ABHD18: variants seen among roughly 807,000 people sequenced by gnomAD.
The protein encoded by ABHD18 is cardiolipin-specific deacylase, mitochondrial.
ABHD18 carries 55 observed loss-of-function variants against 65.9 expected under a neutral mutation model. The ratio of observed to expected loss-of-function variants is 0.84; its 90% CI spans 0.67 to 1.05. The LOEUF (loss-of-function observed/expected upper bound fraction) is 1.05. Ranked by LOEUF, ABHD18 falls within the 50% of genes least tolerant of loss-of-function variation. The pLI is 0.00. For missense variants in ABHD18, 533 were observed against 558.5 expected (o/e 0.95, Z 0.46); for synonymous variants, 181 against 180.2 (o/e 1.00, Z -0.04).
rs138337601 is a variant in ABHD18, at chr4:127,965,607, G to GT, written c.-18+2dup. On this transcript the variant is annotated splice_donor_variant, in intron 1 of 12. Transcript: ENST00000645843. LOFTEE classifies it low-confidence loss of function (5UTR_SPLICE). ...ATCGCAGGCTTCCACCTGGCGGCCA[G>GT]TAAGTAGCCGGTCCGGTTAAGTAGT... is the stretch of plus-strand genomic sequence containing the variant. 0.018 allele frequency: 4,216 copies of GT among 233,346 alleles called. 164 individuals carry two copies. Among genetic ancestry groups the GT allele is most frequent in the African/African-American group, 0.09 (3,971 of 43,932 alleles). 14.5% of individuals were successfully genotyped at this position (233,346 alleles called of 1,614,324 possible).
chr4:127,972,785 A>G (rs929146922), intron 1 of ABHD18, among the ~76,000 whole-genome samples: 1 of 152,114 alleles, frequency 6.6e-6, no homozygotes, highest in Non-Finnish European at 1.5e-5. Context: ...TACTACATAT[A>G]CTTACATGAT....
chr4:128,035,918 C>A lies in ABHD18; in HGVS notation c.*105C>A. The A allele has an allele frequency of 3.6e-6, 2 of 553,474 alleles. No individual in the cohort carries two copies. Among genetic ancestry groups the A allele is most frequent in the South Asian group, 3.9e-5 (1 of 25,602 alleles). The allele number at this position is 553,474 out of a possible 1,614,324, so 34.3% of individuals were successfully genotyped here. A position where few individuals can be genotyped will look rare whatever the true frequency, so the allele number is the denominator to read the frequency against. On this transcript the variant is annotated 3_prime_UTR_variant, in exon 13 of 13. Transcript: ENST00000645843. Reference sequence around the variant, plus strand: ...AGCAGACAGCACTAATATATCTAATCGCTATCAATTTGGTCTGGAATTCAT... The same window carrying A: ...AGCAGACAGCACTAATATATCTAATAGCTATCAATTTGGTCTGGAATTCAT...
At chr4:128,016,495 C>T (rs1755512278) in intron 7 of ABHD18, among the ~76,000 whole-genome samples, 1 of 152,070 alleles carries the variant, frequency 6.6e-6, no homozygotes. Flanking sequence ...TGCTTTAAGA[C>T]TGGGCGTGGT....
chr4:127,974,628 C>T (rs777987714), intron 1 of ABHD18, among the ~76,000 whole-genome samples: 22 of 151,938 alleles, frequency 1.4e-4, no homozygotes, highest in Non-Finnish European at 2.8e-4. Flanking sequence ...CCGTGTCAGC[C>T]TCCCAAAGTG....
At chr4:127,976,602 A>G (rs1747971895) in intron 1 of ABHD18, among the ~76,000 whole-genome samples, 2 of 152,184 alleles carry the variant, frequency 1.3e-5, no homozygotes, top group Non-Finnish European at 2.9e-5. Flanking sequence ...TAGTCTTTTT[A>G]TAGCATTCTT....
intron 8 of ABHD18, among the ~76,000 whole-genome samples, 178 bp from the exon 9 acceptor site, chr4:128,019,902 A>G (rs932571448): frequency 4.6e-5 from 7 of 152,314 alleles, no homozygotes; most frequent in Admixed American, 1.3e-4. Flanking sequence ...GGGGAAATTA[A>G]ATGTTGAATT....
rs1046368539 is a variant in ABHD18, at chr4:127,989,952, A to G, written c.278+131A>G. 7 of 548,052 alleles carry G rather than the reference A, an allele frequency of 1.3e-5. No individual in the cohort carries two copies. The Admixed American group carries it at 1.7e-4, about 14-fold the overall frequency. 33.9% of individuals were successfully genotyped at this position (548,052 alleles called of 1,614,324 possible). A position where few individuals can be genotyped will look rare whatever the true frequency, so the allele number is the denominator to read the frequency against. On this transcript the variant is annotated intron_variant, in intron 4 of 12. Transcript: ENST00000645843. ...ATTATTGAAAAGGCTGAATTAGAAG[A>G]TATTTTAATTCTTCAAAGAACATAA...
rs539131330 is a variant in ABHD18 at position 128,028,534 on chromosome 4, G to A, written c.861G>A (p.Lys287=). ...FVKHFTSSAD[K]LTNLNLVSRT... ...AACACTTCACTAGCAGTGCAGACAAGCTAACTAACCTTAATCTGGTTTCCA... is the reference window on the plus strand; with the variant it reads ...AACACTTCACTAGCAGTGCAGACAAACTAACTAACCTTAATCTGGTTTCCA... The change falls in exon 11 of 13, where the codon AAG becomes AAA. Residue 287 remains lysine (K), a synonymous_variant. Coordinates refer to ENST00000645843, the MANE Select transcript of ABHD18 (RefSeq NM_001358451.3). The A allele has an allele frequency of 5.0e-6, 8 of 1,609,228 alleles. No individual in the cohort carries two copies. Among genetic ancestry groups the A allele is most frequent in the African/African-American group, 2.7e-5 (2 of 74,930 alleles).
intron 4 of ABHD18, among the ~76,000 whole-genome samples, chr4:128,003,697 T>C (rs905045515): frequency 6.6e-6 from 1 of 152,066 alleles, no homozygotes; most frequent in African/African-American, 2.4e-5. Flanking sequence ...TGTATGTATA[T>C]TTTAATTTTT....
chr4:128,031,511 T>G (rs1363149071), intron 12 of ABHD18, among the ~76,000 whole-genome samples: 2 of 152,198 alleles, frequency 1.3e-5, no homozygotes, highest in Non-Finnish European at 2.9e-5. Flanking sequence ...TTTTCTGGTA[T>G]TCTGCATTAT....
chr4:128,007,739 C>CAAAA (rs57540305), intron 4 of ABHD18, among the ~76,000 whole-genome samples: 2 of 114,148 alleles, frequency 1.8e-5, no homozygotes, highest in African/African-American at 6.3e-5. Flanking sequence ...ACCCTGTCTC[C>CAAAA]AAAAAAAAAA....
intron 7 of ABHD18, among the ~76,000 whole-genome samples, chr4:128,015,041 C>CACTCCAGCTTGAGTGACAAGCGCGAA (rs1755245543): frequency 2.0e-5 from 3 of 150,782 alleles, no homozygotes; most frequent in African/African-American, 7.3e-5. Context: ...CGCCCCATTG[C>CACTCCAGCTTGAGTGACAAGCGCGAA]ACTCCAGCTT....
intron 4 of ABHD18, among the ~76,000 whole-genome samples, chr4:127,990,903 CTG>C (rs1750808196): frequency 6.6e-6 from 1 of 152,158 alleles, no homozygotes; most frequent in Non-Finnish European, 1.5e-5. Context: ...GAGTCTCACT[CTG>C]TTGCCCAGGC....
chr4:127,979,817 A>G (rs914875365), intron 1 of ABHD18, among the ~76,000 whole-genome samples: 2 of 149,870 alleles, frequency 1.3e-5, no homozygotes, highest in African/African-American at 2.4e-5. Flanking sequence ...TTAGGAGGCT[A>G]AGGCAGGAGA....
chr4:127,979,767 T>C (rs1186166834), intron 1 of ABHD18, among the ~76,000 whole-genome samples: 1 of 151,754 alleles, frequency 6.6e-6, no homozygotes, highest in African/African-American at 2.4e-5. Flanking sequence ...AATACAAAAA[T>C]TAGCTGGGCG....
intron 10 of ABHD18, among the ~76,000 whole-genome samples, chr4:128,025,068 C>A (rs1322997356): frequency 6.6e-6 from 1 of 152,100 alleles, no homozygotes; most frequent in Non-Finnish European, 1.5e-5. Context: ...TAAATAGATA[C>A]ATATAGTGAA....
chr4:127,972,597 G>A (rs1428993710), intron 1 of ABHD18, among the ~76,000 whole-genome samples: 1 of 145,594 alleles, frequency 6.9e-6, no homozygotes, highest in Non-Finnish European at 1.5e-5. Flanking sequence ...GTAGAGACAG[G>A]GTTTCACCAT....
At chr4:128,009,255 A>T (rs1373854140) in intron 6 of ABHD18, 64 bp downstream of exon 6, 4 of 1,089,320 alleles carry the variant, frequency 3.7e-6, no homozygotes, top group Non-Finnish European at 4.9e-6. Context: ...TTTAGTCATC[A>T]AAAGGAATGA....
chr4:128,026,020 G>A (rs1757296783), intron 10 of ABHD18, among the ~76,000 whole-genome samples: 1 of 152,182 alleles, frequency 6.6e-6, no homozygotes, highest in South Asian at 2.1e-4. Context: ...CGGGCATGGT[G>A]GCTCACGCCT....
Sources: gnomAD v4.1 joint callset for allele counts (sites outside exome capture counted in the v4.1 genomes callset) on GRCh38, gnomAD v4.1.1 for gene constraint, MANE v1.5 for transcripts, NCBI Gene and HGNC (gene_info 2026-07-23, HGNC 2026-07-21) for gene names.